The following CASP8 variants were observed in gnomAD, a reference collection of about 807,000 sequenced individuals.
CASP8 encodes the protein caspase-8.
In CASP8, 24 loss-of-function variants were observed where a neutral mutation model predicts 46.3. That is an observed-to-expected ratio of 0.52 (90% CI 0.38 to 0.73). The LOEUF (loss-of-function observed/expected upper bound fraction) is 0.73, where lower values mean the gene tolerates loss of function less well. Ranked by LOEUF, CASP8 falls within the 30% of genes least tolerant of loss-of-function variation. The pLI, the probability that CASP8 is intolerant of heterozygous loss-of-function variation, is 0.00. For synonymous variants in CASP8, 188 were observed against 200.4 expected (o/e 0.94, Z 0.52); for missense variants, 460 against 559.0 (o/e 0.82, Z 1.79).
At chr2:201,238,940 G>T (rs1459509944) in intron 2 of CASP8, among the ~76,000 whole-genome samples, 1 of 151,890 alleles carries the variant, frequency 6.6e-6, no homozygotes, top group Non-Finnish European at 1.5e-5. Context: ...GTGTCCCTGG[G>T]TACTTGAGAT....
Position 201,253,846 on chromosome 2 carries a change from C to A in CASP8, c.-26-12615C>A, listed in dbSNP as rs535326655. ...AGCTGTAATCCACCACTTTGGGAAG[C>A]CGAGGTGGGTCGATCACCTAAGGTC... On this transcript the variant is annotated intron_variant, in intron 2 of 6. Coordinates refer to the CASP8 transcript ENST00000264274. 1.7e-3 allele frequency among the ~76,000 whole-genome samples: 256 copies of A among 152,164 alleles called. 2 individuals are homozygous for A. Among genetic ancestry groups the A allele is most frequent in the African/African-American group, 5.7e-3 (238 of 41,506 alleles).
intron 2 of CASP8, among the ~76,000 whole-genome samples, chr2:201,235,998 A>G (rs1355854040): frequency 2.6e-5 from 4 of 152,234 alleles, no homozygotes; most frequent in Non-Finnish European, 4.4e-5. Context: ...TAGGTTTTGC[A>G]TAAGTACATT....
intron 2 of CASP8, among the ~76,000 whole-genome samples, chr2:201,245,504 G>A (rs974639244): frequency 6.6e-6 from 1 of 152,200 alleles, no homozygotes; most frequent in East Asian, 1.9e-4. Flanking sequence ...GCCTCCCAAA[G>A]TGTTGGGATT....
chr2:201,279,339 T>C (rs1948851169), intron 7 of CASP8, among the ~76,000 whole-genome samples: 1 of 152,192 alleles, frequency 6.6e-6, no homozygotes, highest in South Asian at 2.1e-4. Context: ...TGAAGCATTT[T>C]ACTGAACACA....
chr2:201,272,565 T>TAA lies in CASP8; in HGVS notation c.412-63_412-62dup. On this transcript the variant is annotated intron_variant, in intron 3 of 8. Coordinates refer to ENST00000673742, the MANE Select transcript of CASP8 (RefSeq NM_001372051.1). The surrounding 1 kb of genome is among the most constrained non-coding windows in gnomAD (Gnocchi z 4.4). ...GTCCTTGGTTGGAGAAATTGGAAATTAAAAAAAAAAATCTAATCTAAAAAC... is the reference window on the plus strand; with the variant it reads ...GTCCTTGGTTGGAGAAATTGGAAATTAAAAAAAAAAAAATCTAATCTAAAAAC... The TAA allele has an allele frequency of 5.5e-6, 7 of 1,281,674 alleles. No individual in the cohort carries two copies. Among genetic ancestry groups the TAA allele is most frequent in the East Asian group, 2.8e-5 (1 of 35,716 alleles). The allele number at this position is 1,281,674 out of a possible 1,614,324, so 79.4% of individuals were successfully genotyped here.
chr2:201,283,619 G>GC (rs1335197346), intron 7 of CASP8, among the ~76,000 whole-genome samples: 4 of 67,004 alleles, frequency 6.0e-5, no homozygotes, highest in Non-Finnish European at 1.1e-4. Flanking sequence ...GGGCAGAGGG[G>GC]TCCTCACTTC....
intron 2 of CASP8, among the ~76,000 whole-genome samples, chr2:201,269,059 C>T (rs1948047246): frequency 6.6e-6 from 1 of 151,992 alleles, no homozygotes; most frequent in Non-Finnish European, 1.5e-5. Context: ...CCACCTCAGC[C>T]TCCCAAGTAG....
chr2:201,263,237 T>C (rs1018399081), intron 1 of CASP8, among the ~76,000 whole-genome samples: 5 of 152,206 alleles, frequency 3.3e-5, no homozygotes, highest in African/African-American at 1.2e-4. Context: ...ATAATACTAC[T>C]TTTAGGAAAT....
intron 2 of CASP8, among the ~76,000 whole-genome samples, chr2:201,236,638 G>GCAGCTC (rs1946058491): frequency 6.6e-6 from 1 of 152,158 alleles, no homozygotes; most frequent in East Asian, 1.9e-4. Flanking sequence ...AGGCTGGAGT[G>GCAGCTC]CAGTGGTGTG....
At chr2:201,262,109 T>C (rs982852040) in intron 1 of CASP8, 2 of 152,184 alleles carry the variant, frequency 1.3e-5, no homozygotes, top group African/African-American at 4.8e-5. Context: ...TGAGATTCTT[T>C]CACTGCCTTC....
intron 7 of CASP8, 119 bp from the exon 8 acceptor site, chr2:201,284,691 AGACGGG>A (rs1949450110): frequency 7.4e-6 from 5 of 674,004 alleles, no homozygotes; most frequent in East Asian, 5.8e-5. Flanking sequence ...AGGGAGAGGG[AGACGGG>A]GAGAGGGAGA....
Position 201,266,460 on chromosome 2 carries a change from G to T in CASP8, c.-26-1G>T. The T allele has an allele frequency of 6.2e-7, 1 of 1,607,220 alleles. No individual in the cohort carries two copies. Among genetic ancestry groups the T allele is most frequent in the Non-Finnish European group, 8.5e-7 (1 of 1,173,764 alleles). On this transcript the variant is annotated splice_acceptor_variant, in intron 1 of 8. Coordinates refer to ENST00000673742, the MANE Select transcript of CASP8 (RefSeq NM_001372051.1). LOFTEE classifies it low-confidence loss of function (5UTR_SPLICE). This position sits in a 1 kb window ranked among gnomAD's most constrained non-coding sequence, Gnocchi z 5.7. ...TGAACATACCATTTATTTTGACTTA[G>T]ATTATATTCTCCTGCCTTTTAAAAA...
In CASP8 at chr2:201,286,908, C is replaced by T. The variant is rs906158329; in HGVS notation, c.*314C>T. 108 of 348,540 alleles carry T rather than the reference C, an allele frequency of 3.1e-4. No homozygotes were observed. The highest frequency in any genetic ancestry group is 8.9e-5 in the Non-Finnish European group (16 of 180,372). The allele number at this position is 348,540 out of a possible 1,614,324, so 21.6% of individuals were successfully genotyped here. ...TGCTGGGATTACAGGCGTGAGCCAC[C>T]GCGCCTGGCCGATGGTACTATTTAG... On this transcript the variant is annotated 3_prime_UTR_variant, in exon 9 of 9. Coordinates refer to ENST00000673742, the MANE Select transcript of CASP8 (RefSeq NM_001372051.1).
rs1367764930 is a variant in CASP8 at position 201,266,024 on chromosome 2, G to T, written c.-26-437G>T. Reference sequence around the variant, plus strand: ...AGACGGAGTCTTGCCCTGTCACCCAGGCTGGAGTGCAGTGGTGCAATCTCC... The same window carrying T: ...AGACGGAGTCTTGCCCTGTCACCCATGCTGGAGTGCAGTGGTGCAATCTCC... On this transcript the variant is annotated intron_variant, in intron 1 of 8. Coordinates refer to ENST00000673742, the MANE Select transcript of CASP8 (RefSeq NM_001372051.1). This position sits in a 1 kb window ranked among gnomAD's most constrained non-coding sequence, Gnocchi z 5.7. Among the ~76,000 whole-genome samples, 32 of 150,222 alleles carry T rather than the reference G, an allele frequency of 2.1e-4. No homozygotes were observed. Among genetic ancestry groups the T allele is most frequent in the African/African-American group, 7.4e-4 (30 of 40,588 alleles).
chr2:201,271,379 C>T (rs765559047), intron 2 of CASP8, 137 bp from the exon 3 acceptor site: 18 of 707,970 alleles, frequency 2.5e-5, no homozygotes, highest in Non-Finnish European at 4.4e-5. Context: ...TTTCCAAGGG[C>T]TCAACTCATA....
intron 2 of CASP8, chr2:201,240,208 G>A (rs1946244103): frequency 6.6e-6 from 1 of 152,076 alleles, no homozygotes; most frequent in South Asian, 2.1e-4. Flanking sequence ...AATTCTTAAG[G>A]CCATTCACTA....
rs2125509581 is a variant in CASP8 at position 201,286,460 on chromosome 2, G to A, written c.1306G>A (p.Gly436Ser). 6.2e-7 allele frequency: 1 copy of A among 1,612,192 alleles called. No individual in the cohort carries two copies. Among genetic ancestry groups the A allele is most frequent in the South Asian group, 1.1e-5 (1 of 91,044 alleles). Residue 436 changes from glycine (G) to serine (S), a missense_variant and splice_region_variant, in exon 9 of 9, where the codon GGC becomes AGC. By Grantham distance (56) the Gly-to-Ser change is moderately conservative. Transcript: ENST00000673742. Reference sequence around the variant, plus strand: ...ACAATATTATGTGATGTATTTCAGAGGCGATGATATTCTCACCATCCTGAC... The same window carrying A: ...ACAATATTATGTGATGTATTTCAGAAGCGATGATATTCTCACCATCCTGAC... ...CQSLRERCPR[G>S]DDILTILTEV...
chr2:201,247,854 C>T (rs1402650501), intron 2 of CASP8, among the ~76,000 whole-genome samples: 2 of 152,150 alleles, frequency 1.3e-5, no homozygotes, highest in Non-Finnish European at 2.9e-5. Flanking sequence ...CTGTTTTAGC[C>T]AGGATAGTCT....
chr2:201,285,345 A>G (rs2125493701), intron 8 of CASP8, 28 bp downstream of exon 8: 1 of 1,611,002 alleles, frequency 6.2e-7, no homozygotes, highest in East Asian at 2.2e-5. Flanking sequence ...AGCCCTCCTC[A>G]CTGTTACACT....
Sources: allele counts gnomAD v4.1 joint callset (sites outside exome capture counted in the v4.1 genomes callset), GRCh38; gene constraint gnomAD v4.1.1; non-coding constraint Gnocchi (gnomAD v3.1); transcripts MANE v1.5; gene names NCBI Gene and HGNC (gene_info 2026-07-23, HGNC 2026-07-21).